PLEKHA2: variants seen among roughly 807,000 people sequenced by gnomAD.
PLEKHA2 encodes pleckstrin homology domain containing A2.
In PLEKHA2, 28 loss-of-function variants were observed where a neutral mutation model predicts 53.2. The observed-to-expected ratio is 0.53, with a 90% confidence interval of 0.39 to 0.72. PLEKHA2 has a LOEUF of 0.72. Among genes scored for constraint, PLEKHA2 ranks in the 30% least tolerant of loss-of-function variants. The pLI is 0.00. For synonymous variants in PLEKHA2, 193 were observed against 196.4 expected (o/e 0.98, Z 0.14); for missense variants, 426 against 537.9 (o/e 0.79, Z 2.06).
At chr8:38,902,688 A>G (rs886684423) in intron 1 of PLEKHA2, among the ~76,000 whole-genome samples, 1 of 152,332 alleles carries the variant, frequency 6.6e-6, no homozygotes. Context: ...GAAACAGCAA[A>G]GCAAAAGATC....
At chr8:38,915,013 C>G (rs1389373017) in intron 1 of PLEKHA2, among the ~76,000 whole-genome samples, 1 of 152,126 alleles carries the variant, frequency 6.6e-6, no homozygotes, top group Non-Finnish European at 1.5e-5. Flanking sequence ...GTGGTGCTCT[C>G]ATGGTTCCCT....
chr8:38,925,008 G>A (rs1385038750), intron 2 of PLEKHA2, among the ~76,000 whole-genome samples: 1 of 152,144 alleles, frequency 6.6e-6, no homozygotes, highest in Non-Finnish European at 1.5e-5. Flanking sequence ...ACAATATCAA[G>A]CAAACTTTTT....
At chr8:38,946,073 C>T in intron 4 of PLEKHA2, 51 bp from the exon 5 acceptor site, 1 of 1,430,716 alleles carries the variant, frequency 7.0e-7, no homozygotes, top group Non-Finnish European at 9.7e-7. Flanking sequence ...TGTTGTATTG[C>T]TTGTATTCTG....
In PLEKHA2 at chr8:38,952,251, G is replaced by A; in HGVS notation, c.572G>A (p.Cys191Tyr). ...RSQSYIPTSGCRASTGPPLIK... is the reference protein window; with the variant it reads ...RSQSYIPTSGYRASTGPPLIK... Reference sequence around the variant, plus strand: ...CAGAGTTACATCCCCACGTCAGGCTGCCGTGCTTCCACTGGGCCTCCCCTC... The same window carrying A: ...CAGAGTTACATCCCCACGTCAGGCTACCGTGCTTCCACTGGGCCTCCCCTC... The change falls in exon 7 of 12, where the codon TGC (cysteine) becomes TAC (tyrosine). Residue 191 changes from cysteine (C) to tyrosine (Y), a missense_variant. By Grantham distance (194) the Cys-to-Tyr change is radical (BLOSUM62 -2). Coordinates refer to ENST00000617275, the MANE Select transcript of PLEKHA2 (RefSeq NM_021623.2). 6.2e-7 allele frequency: 1 copy of A among 1,612,758 alleles called. No individual in the cohort carries two copies. The highest frequency in any genetic ancestry group is 1.7e-5 in the Admixed American group (1 of 59,808).
At chr8:38,910,026 G>A (rs920922376) in intron 1 of PLEKHA2, among the ~76,000 whole-genome samples, 28 of 146,198 alleles carry the variant, frequency 1.9e-4, no homozygotes, top group African/African-American at 5.6e-4. Context: ...GTGTGATCTC[G>A]GCTCACTGCA....
chr8:38,961,953 A>G (rs1354932351), intron 10 of PLEKHA2, among the ~76,000 whole-genome samples: 1 of 152,242 alleles, frequency 6.6e-6, no homozygotes, highest in Non-Finnish European at 1.5e-5. Flanking sequence ...GCATAGTGCT[A>G]AACAACTTAC....
chr8:38,950,484 T>G, intron 5 of PLEKHA2: 1 of 176,662 alleles, frequency 5.7e-6, no homozygotes, highest in Non-Finnish European at 1.2e-5. Context: ...CCACCATTTG[T>G]AATTACTCTG....
intron 2 of PLEKHA2, among the ~76,000 whole-genome samples, chr8:38,927,332 C>T (rs1834306616): frequency 1.3e-5 from 2 of 151,898 alleles, no homozygotes; most frequent in South Asian, 4.2e-4. Flanking sequence ...CCCATCTCTA[C>T]AAAAAATAAA....
intron 2 of PLEKHA2, among the ~76,000 whole-genome samples, chr8:38,926,932 C>CCAAA (rs1379048505): frequency 3.3e-5 from 5 of 152,150 alleles, no homozygotes; most frequent in East Asian, 3.9e-4. Flanking sequence ...AACCAACCAA[C>CCAAA]CAAACAAACA....
In PLEKHA2 at chr8:38,917,985, A is replaced by G; in HGVS notation, c.56A>G (p.His19Arg). Residue 19 changes from histidine to arginine, a missense_variant, in exon 2 of 12, where the codon CAT becomes CGT. His to Arg is a conservative substitution (Grantham distance 29). Coordinates refer to ENST00000617275, the MANE Select transcript of PLEKHA2 (RefSeq NM_021623.2). ...TGTGGGTTTCTGGACATCGAGGAGCATGAGAACAGCGGCAAGTTTCTGCGG... is the reference window on the plus strand; with the variant it reads ...TGTGGGTTTCTGGACATCGAGGAGCGTGAGAACAGCGGCAAGTTTCTGCGG... ...RICGFLDIEE[H>R]ENSGKFLRRY... is the part of the protein sequence containing the mutation. The G allele has an allele frequency of 6.2e-7, 1 of 1,613,642 alleles. No homozygotes were observed.
At chr8:38,905,859 T>G (rs1366047817) in intron 1 of PLEKHA2, among the ~76,000 whole-genome samples, 3 of 152,120 alleles carry the variant, frequency 2.0e-5, no homozygotes, top group Non-Finnish European at 4.4e-5. Context: ...TAATTTTTTG[T>G]ATTTTTAGCA....
chr8:38,968,463 C>A, intron 10 of PLEKHA2, 129 bp from the exon 11 acceptor site: 1 of 768,848 alleles, frequency 1.3e-6, no homozygotes, highest in South Asian at 1.8e-5. Flanking sequence ...AGCTACTGGA[C>A]TAGATGATTT....
chr8:38,962,910 A>G (rs1835065186), intron 10 of PLEKHA2, among the ~76,000 whole-genome samples: 1 of 152,156 alleles, frequency 6.6e-6, no homozygotes, highest in Non-Finnish European at 1.5e-5. Context: ...GTAGTGTGCA[A>G]TCTACACAAT....
At chr8:38,962,265 G>T (rs909251368) in intron 10 of PLEKHA2, among the ~76,000 whole-genome samples, 12 of 152,166 alleles carry the variant, frequency 7.9e-5, no homozygotes, top group South Asian at 2.1e-4. Flanking sequence ...AAAGTGGAAG[G>T]ATTGTTGGAG....
intron 10 of PLEKHA2, among the ~76,000 whole-genome samples, chr8:38,957,739 T>G (rs1470103523): frequency 6.6e-6 from 1 of 152,200 alleles, no homozygotes; most frequent in Non-Finnish European, 1.5e-5. Context: ...TGGACATCAC[T>G]GTGTGCGGAA....
At chr8:38,926,653 G>A (rs1019677179) in intron 2 of PLEKHA2, among the ~76,000 whole-genome samples, 2 of 152,182 alleles carry the variant, frequency 1.3e-5, no homozygotes, top group Admixed American at 6.5e-5. Context: ...AAACTAAGCC[G>A]GGTGCGGTGG....
intron 2 of PLEKHA2, among the ~76,000 whole-genome samples, chr8:38,918,629 C>CACATACCATACACACAT (rs1834121840): frequency 9.8e-6 from 1 of 102,132 alleles, no homozygotes; most frequent in African/African-American, 3.5e-5. Flanking sequence ...ACACACACAC[C>CACATACCATACACACAT]ACACACAGAG....
intron 1 of PLEKHA2, among the ~76,000 whole-genome samples, chr8:38,911,079 G>A (rs1042421232): frequency 1.3e-5 from 2 of 152,158 alleles, no homozygotes; most frequent in African/African-American, 4.8e-5. Flanking sequence ...GAGTGGGTTG[G>A]ATAGAGGCCC....
intron 10 of PLEKHA2, among the ~76,000 whole-genome samples, chr8:38,967,456 T>G (rs1835161878): frequency 6.6e-6 from 1 of 152,190 alleles, no homozygotes; most frequent in African/African-American, 2.4e-5. Context: ...TTGTACTAAT[T>G]TACATGCCTT....
Sources: allele counts gnomAD v4.1 joint callset (sites outside exome capture counted in the v4.1 genomes callset), GRCh38; gene constraint gnomAD v4.1.1; transcripts MANE v1.5; gene names NCBI Gene and HGNC (gene_info 2026-07-23, HGNC 2026-07-21).